IPO7: variants seen among roughly 807,000 people sequenced by gnomAD.
The protein encoded by IPO7 is importin 7, also known as importin-7.
In IPO7, 13 loss-of-function variants were observed where a neutral mutation model predicts 136.4. The observed-to-expected ratio is 0.10, with a 90% CI of 0.06 to 0.15. The LOEUF (loss-of-function observed/expected upper bound fraction) is 0.15. Ranked by LOEUF, IPO7 falls within the 10% of genes least tolerant of loss-of-function variation. The pLI, the probability that IPO7 is intolerant of heterozygous loss-of-function variation, is 1.00. For missense variants in IPO7, 857 were observed against 1,240.6 expected, an observed-to-expected ratio of 0.69 and a Z score of 4.65; for synonymous variants, 403 against 404.4, an observed-to-expected ratio of 1.00 and a Z score of 0.04.
rs779930081 is a variant in IPO7, at chr11:9,420,604, G to A, written c.822-10G>A. On this transcript the variant is annotated splice_polypyrimidine_tract_variant and intron_variant, in intron 7 of 24. Transcript: ENST00000379719. ...ATAAAGAAACAATGGGCATTTTGAT[G>A]TTCTTTTAGATATGGAAGCCCTGGC... The A allele has an allele frequency of 8.1e-6, 13 of 1,605,224 alleles. No homozygotes were observed. Among genetic ancestry groups the A allele is most frequent in the Non-Finnish European group, 1.1e-5 (13 of 1,172,414 alleles).
chr11:9,387,211 G>T (rs1478829348), intron 1 of IPO7, among the ~76,000 whole-genome samples: 2 of 152,218 alleles, frequency 1.3e-5, no homozygotes, highest in African/African-American at 4.8e-5. Flanking sequence ...TAGAACCAAA[G>T]AATAAGATCA....
intron 22 of IPO7, among the ~76,000 whole-genome samples, chr11:9,439,324 C>T (rs1384581725): frequency 6.6e-6 from 1 of 152,104 alleles, no homozygotes; most frequent in Non-Finnish European, 1.5e-5. Flanking sequence ...CCATGTTGGC[C>T]AGGCTGGTCT....
chr11:9,402,351 G>A (rs1483873734), intron 1 of IPO7, among the ~76,000 whole-genome samples: 1 of 131,152 alleles, frequency 7.6e-6, no homozygotes, highest in Non-Finnish European at 1.5e-5. Context: ...AGTGAGCCGA[G>A]ATCATGCCAC....
At chr11:9,433,345 G>T in intron 16 of IPO7, 1 of 497,112 alleles carries the variant, frequency 2.0e-6, no homozygotes, top group Non-Finnish European at 3.5e-6. Context: ...TCCTTTTTAG[G>T]TAAATTAAGC....
chr11:9,435,039 AT>A lies in IPO7; in HGVS notation c.2172+13del. ...TACAGTATGTGCAAAAAGGTAGGTCATTTTTATATATCAGATTTCATGAGGC... is the reference window on the plus strand; with the variant it reads ...TACAGTATGTGCAAAAAGGTAGGTCATTTTATATATCAGATTTCATGAGGC... On this transcript the variant is annotated intron_variant, in intron 19 of 24. Coordinates refer to ENST00000379719, the MANE Select transcript of IPO7 (RefSeq NM_006391.3). 6.7e-7 allele frequency: 1 copy of A among 1,487,370 alleles called. No homozygotes were observed. The highest frequency in any genetic ancestry group is 9.4e-7 in the Non-Finnish European group (1 of 1,067,678). 92.1% of individuals were successfully genotyped at this position (1,487,370 alleles called of 1,614,324 possible).
chr11:9,387,772 G>A (rs781119517), intron 1 of IPO7, among the ~76,000 whole-genome samples: 17 of 151,950 alleles, frequency 1.1e-4, no homozygotes, highest in Non-Finnish European at 2.1e-4. Flanking sequence ...CGGAGGTTGC[G>A]GTGAGCTGAG....
intron 20 of IPO7, 95 bp from the exon 21 acceptor site, chr11:9,437,659 T>G: frequency 1.2e-6 from 1 of 857,366 alleles, no homozygotes; most frequent in Non-Finnish European, 1.8e-6. Flanking sequence ...AATGCTACAA[T>G]AGGGTTAATT....
chr11:9,425,290 TG>T, intron 12 of IPO7, 28 bp downstream of exon 12: 1 of 1,256,972 alleles, frequency 8.0e-7, no homozygotes, highest in Non-Finnish European at 1.2e-6. Context: ...TGTATGTGCA[TG>T]ACTATGCAAG....
At position 9,442,230 on chromosome 11, in the gene IPO7, A is replaced by C. The variant is rs376559704; in HGVS notation, c.3019+33A>C. 2.0e-5 allele frequency: 19 copies of C among 949,756 alleles called. No individual in the cohort carries two copies. The African/African-American group carries it at 3.1e-4, about 16-fold the overall frequency. The allele number at this position is 949,756 out of a possible 1,614,324, so 58.8% of individuals were successfully genotyped here. On this transcript the variant is annotated intron_variant, in intron 24 of 24. Coordinates refer to ENST00000379719, the MANE Select transcript of IPO7 (RefSeq NM_006391.3). ...AATTAACTGTAACTCCTCTTTAATT[A>C]GTGACTTTTATAGGTTTAAAATTTT...
At position 9,430,883 on chromosome 11, in the gene IPO7, A is replaced by C. The variant is rs749173711; in HGVS notation, c.1761A>C (p.Thr587=). 2 of 1,611,930 alleles carry C rather than the reference A, an allele frequency of 1.2e-6. No homozygotes were observed. Among genetic ancestry groups the C allele is most frequent in the South Asian group, 1.1e-5 (1 of 90,972 alleles). Reference sequence around the variant, plus strand: ...TATTCTCTTGAATCTAGGCAATGACATTTAACCAAGTAATCCAGACGGGGC... The same window carrying C: ...TATTCTCTTGAATCTAGGCAATGACCTTTAACCAAGTAATCCAGACGGGGC... The part of the protein sequence containing the change: ...AVEMTQHLAM[T]FNQVIQTGPD... Residue 587 remains threonine (T), a synonymous_variant, in exon 16 of 25, where the codon ACA becomes ACC. Transcript: ENST00000379719.
At chr11:9,432,962 C>T (rs1379169510) in intron 16 of IPO7, among the ~76,000 whole-genome samples, 1 of 146,574 alleles carries the variant, frequency 6.8e-6, no homozygotes, top group Non-Finnish European at 1.5e-5. Context: ...TCTATTTGCA[C>T]ATAACAGATG....
chr11:9,418,236 A>C (rs1181591634), intron 6 of IPO7, among the ~76,000 whole-genome samples: 1 of 151,104 alleles, frequency 6.6e-6, no homozygotes, highest in Non-Finnish European at 1.5e-5. Flanking sequence ...TGCCTGGCTA[A>C]CTTTTTTTAT....
chr11:9,401,381 T>TA (rs896465381), intron 1 of IPO7, among the ~76,000 whole-genome samples: 1 of 151,952 alleles, frequency 6.6e-6, no homozygotes, highest in East Asian at 1.9e-4. Context: ...CACTTCAAGA[T>TA]AAAATGTTCA....
intron 1 of IPO7, among the ~76,000 whole-genome samples, chr11:9,400,166 T>C (rs1854772525): frequency 6.6e-6 from 1 of 152,224 alleles, no homozygotes; most frequent in Admixed American, 6.5e-5. Flanking sequence ...GTACTGTTTG[T>C]ATTATTTTTA....
chr11:9,444,120 A>C (rs1855495266), intron 24 of IPO7, among the ~76,000 whole-genome samples: 1 of 151,554 alleles, frequency 6.6e-6, no homozygotes, highest in Non-Finnish European at 1.5e-5. Context: ...TTACTAAAAA[A>C]CACAAAAATT....
intron 12 of IPO7, among the ~76,000 whole-genome samples, 200 bp from the exon 13 acceptor site, chr11:9,428,340 A>G (rs1035967186): frequency 6.6e-6 from 1 of 152,248 alleles, no homozygotes; most frequent in Non-Finnish European, 1.5e-5. Flanking sequence ...ATCAAGGAAT[A>G]TAAAAACGTG....
intron 4 of IPO7, among the ~76,000 whole-genome samples, chr11:9,411,052 C>A (rs1360697400): frequency 6.6e-6 from 1 of 152,194 alleles, no homozygotes; most frequent in East Asian, 1.9e-4. Context: ...TACCCATCTT[C>A]CTGCTAAGGA....
At chr11:9,441,016 C>G (rs1021424124) in intron 23 of IPO7, among the ~76,000 whole-genome samples, 19 of 152,166 alleles carry the variant, frequency 1.2e-4, no homozygotes, top group Admixed American at 9.8e-4. Context: ...TTGTGTGTAT[C>G]CTTTTTTCCT....
intron 2 of IPO7, 98 bp from the exon 3 acceptor site, chr11:9,408,388 C>A: frequency 1.6e-6 from 1 of 637,802 alleles, no homozygotes; most frequent in Non-Finnish European, 2.4e-6. Context: ...GCTTTACAAA[C>A]GGTAGTGTGA....
Sources: gnomAD v4.1 joint callset for allele counts (sites outside exome capture counted in the v4.1 genomes callset) on GRCh38, gnomAD v4.1.1 for gene constraint, MANE v1.5 for transcripts, NCBI Gene and HGNC (gene_info 2026-07-23, HGNC 2026-07-21) for gene names.